Variants in RBM28 observed in about 807,000 individuals in gnomAD.
RBM28 encodes RNA-binding protein 28.
Under a neutral mutation model 98.3 loss-of-function variants are expected in RBM28, and 78 were observed. That is an observed-to-expected ratio of 0.79 (90% confidence interval 0.66 to 0.96). The LOEUF (loss-of-function observed/expected upper bound fraction) is 0.96. Ranked by LOEUF, RBM28 falls within the 40% of genes least tolerant of loss-of-function variation. RBM28 has a pLI of 0.00. For synonymous variants in RBM28, 306 were observed against 330.9 expected, an observed-to-expected ratio of 0.92 and a Z score of 0.82; for missense variants, 838 against 913.0, an observed-to-expected ratio of 0.92 and a Z score of 1.06.
At position 128,339,781 on chromosome 7, in the gene RBM28, T is replaced by G. The variant is rs1049980039; in HGVS notation, c.129A>C (p.Ala43=). 1 of 1,614,006 alleles carries G rather than the reference T, an allele frequency of 6.2e-7. No homozygotes were observed. ...CFVVTEKGSK[A]CRGFGYVTFS... ...AAGTGACATAGCCAAAGCCTCGACATGCCTTACTCCCTGGAATAATGGAGT... is the reference window on the plus strand; with the variant it reads ...AAGTGACATAGCCAAAGCCTCGACAGGCCTTACTCCCTGGAATAATGGAGT... Residue 43 remains alanine (A), a synonymous_variant, in exon 2 of 19, where the codon GCA becomes GCC. Transcript: ENST00000223073.
intron 8 of RBM28, 98 bp downstream of exon 8, chr7:128,335,445 T>A (rs1283346069): frequency 1.4e-6 from 2 of 1,418,918 alleles, no homozygotes; most frequent in Non-Finnish European, 9.8e-7. Flanking sequence ...CACCTTAGAG[T>A]CCTATTTAAA....
intron 11 of RBM28, among the ~76,000 whole-genome samples, 191 bp downstream of exon 11, chr7:128,325,627 C>T (rs1010775779): frequency 6.6e-6 from 1 of 152,152 alleles, no homozygotes; most frequent in Non-Finnish European, 1.5e-5. Context: ...TTCTGCCTAC[C>T]TCAAAGGGCT....
intron 13 of RBM28, among the ~76,000 whole-genome samples, chr7:128,321,872 A>C (rs1255175903): frequency 1.3e-5 from 2 of 151,986 alleles, no homozygotes; most frequent in African/African-American, 4.8e-5. Context: ...ACATGGTGAA[A>C]CCCTGTCTCT....
rs1356368088 is a variant in RBM28, at chr7:128,324,714, T to C, written c.1204-20A>G. 1 of 1,613,940 alleles carries C rather than the reference T, an allele frequency of 6.2e-7. No individual in the cohort carries two copies. Among genetic ancestry groups the C allele is most frequent in the Non-Finnish European group, 8.5e-7 (1 of 1,180,018 alleles). Reference sequence around the variant, plus strand: ...ACCAGCCTGTAACAGATCACAACCCTTTCTTAAAACACATAATGGCCGGGC... The same window carrying C: ...ACCAGCCTGTAACAGATCACAACCCCTTCTTAAAACACATAATGGCCGGGC... On this transcript the variant is annotated intron_variant, in intron 11 of 18. Coordinates refer to ENST00000223073, the MANE Select transcript of RBM28 (RefSeq NM_018077.3).
At position 128,307,685 on chromosome 7, in the gene RBM28, A is replaced by T. The variant is rs2116309765; in HGVS notation, c.*3112T>A. The T allele has an allele frequency of 6.6e-6, 1 of 152,358 alleles. No homozygotes were observed. The highest frequency in any genetic ancestry group is 1.9e-4 in the East Asian group (1 of 5,192). 9.4% of individuals were successfully genotyped at this position (152,358 alleles called of 1,614,324 possible). A position where few individuals can be genotyped will look rare whatever the true frequency, so the allele number is the denominator to read the frequency against. ...CAAATAAGGCAAAGAACAGCTGCACATCATCTTAAGATTCCTTATTTAAAG... is the reference window on the plus strand; with the variant it reads ...CAAATAAGGCAAAGAACAGCTGCACTTCATCTTAAGATTCCTTATTTAAAG... On this transcript the variant is annotated 3_prime_UTR_variant, in exon 19 of 19. Coordinates refer to ENST00000223073, the MANE Select transcript of RBM28 (RefSeq NM_018077.3).
At chr7:128,316,475 C>T (rs1057390056) in intron 16 of RBM28, among the ~76,000 whole-genome samples, 2 of 152,208 alleles carry the variant, frequency 1.3e-5, no homozygotes, top group African/African-American at 4.8e-5. Context: ...CTTTGGGAGG[C>T]TGAGGCAGGT....
rs1796579669 is a variant in RBM28, at chr7:128,335,609, C to T, written c.880G>A (p.Asp294Asn). The T allele has an allele frequency of 1.9e-6, 3 of 1,614,176 alleles. No individual in the cohort carries two copies. The highest frequency in any genetic ancestry group is 1.1e-5 in the South Asian group (1 of 91,086). ...AGTTCCTCTCCATCATCAATACTAT[C>T]GCTTTCCTCTAGGTCACTGTCCTCC... is the stretch of plus-strand genomic sequence containing the variant. ...SEEDSDLEES[D>N]SIDDGEELAQ... is the part of the protein sequence containing the mutation. The change falls in exon 8 of 19, where the codon GAT becomes AAT. Residue 294 changes from aspartate (D) to asparagine (N), a missense_variant. Physicochemically the swap from Asp to Asn is conservative, Grantham distance 23. Coordinates refer to ENST00000223073, the MANE Select transcript of RBM28 (RefSeq NM_018077.3).
In RBM28 at chr7:128,306,060, G is replaced by A. The variant is rs1795861515; in HGVS notation, c.*4737C>T. The A allele has an allele frequency of 6.6e-6, 1 of 152,200 alleles. No individual in the cohort carries two copies. The highest frequency in any genetic ancestry group is 1.5e-5 in the Non-Finnish European group (1 of 68,048). 9.4% of individuals were successfully genotyped at this position (152,200 alleles called of 1,614,324 possible). A position where few individuals can be genotyped will look rare whatever the true frequency, so the allele number is the denominator to read the frequency against. ...GGAGCTAGTTCTTATAGTGGCTCAT[G>A]ATCTACTTGGGAAGGCAAGACCTAA... On this transcript the variant is annotated 3_prime_UTR_variant, in exon 19 of 19. Transcript: ENST00000223073.
intron 9 of RBM28, among the ~76,000 whole-genome samples, chr7:128,331,724 G>T (rs1021232854): frequency 6.6e-6 from 1 of 151,798 alleles, no homozygotes; most frequent in Non-Finnish European, 1.5e-5. Flanking sequence ...AAAAAATGTT[G>T]GAAGGAAATT....
At chr7:128,312,701 T>A (rs1217839634) in intron 18 of RBM28, among the ~76,000 whole-genome samples, 1 of 152,220 alleles carries the variant, frequency 6.6e-6, no homozygotes, top group Non-Finnish European at 1.5e-5. Context: ...TAAAAAAATT[T>A]TTTTCAGGCA....
At chr7:128,321,102 G>A (rs1232258908) in intron 14 of RBM28, among the ~76,000 whole-genome samples, 164 bp downstream of exon 14, 2 of 152,258 alleles carry the variant, frequency 1.3e-5, no homozygotes, top group East Asian at 3.8e-4. Context: ...GGAGGAGGAG[G>A]TTGCAGTGAG....
Position 128,298,993 on chromosome 7 carries a change from AC to A in RBM28, c.*11803del, listed in dbSNP as rs1412040609. 1 of 141,118 alleles carries A rather than the reference AC, an allele frequency of 7.1e-6. No individual in the cohort carries two copies. Among genetic ancestry groups the A allele is most frequent in the African/African-American group, 2.6e-5 (1 of 38,806 alleles). 8.7% of individuals were successfully genotyped at this position (141,118 alleles called of 1,614,324 possible). On this transcript the variant is annotated 3_prime_UTR_variant, in exon 19 of 19. Transcript: ENST00000223073. ...ACACCACTGCACTCCAGCCTGGGAG[AC>A]AGAGTGAGACCCTCTCTCTCAAAAA...
rs1250308421 is a variant in RBM28, at chr7:128,310,851, C to T, written c.2226G>A (p.Leu742=). The part of the protein sequence containing the change: ...QLVEQYKQKL[L]GPSKGAPLAK... Reference sequence around the variant, plus strand: ...CAAGAGGTGCTCCTTTAGAAGGTCCCAATAATTTCTGCTTATATTGTTCGA... The same window carrying T: ...CAAGAGGTGCTCCTTTAGAAGGTCCTAATAATTTCTGCTTATATTGTTCGA... Residue 742 remains leucine (L), a synonymous_variant, in exon 19 of 19, where the codon TTG becomes TTA. Transcript: ENST00000223073. 10 of 1,613,984 alleles carry T rather than the reference C, an allele frequency of 6.2e-6. No individual in the cohort carries two copies. Among genetic ancestry groups the T allele is most frequent in the Middle Eastern group, 1.6e-4 (1 of 6,084 alleles).
At chr7:128,319,307 G>T (rs943246309) in intron 14 of RBM28, among the ~76,000 whole-genome samples, 2 of 152,142 alleles carry the variant, frequency 1.3e-5, no homozygotes, top group African/African-American at 2.4e-5. Context: ...AAATAGGAAA[G>T]AATTAAGAGG....
At chr7:128,311,426 C>A (rs537063805) in intron 18 of RBM28, among the ~76,000 whole-genome samples, 3 of 152,280 alleles carry the variant, frequency 2.0e-5, no homozygotes, top group Non-Finnish European at 4.4e-5. Context: ...GAGAAGCAAG[C>A]TTGACTTCAA....
chr7:128,329,326 C>T (rs184759481), intron 10 of RBM28, among the ~76,000 whole-genome samples: 1 of 152,236 alleles, frequency 6.6e-6, no homozygotes, highest in East Asian at 1.9e-4. Context: ...CTTGAACTCC[C>T]GACCTCAGGT....
intron 1 of RBM28, among the ~76,000 whole-genome samples, chr7:128,340,901 C>CG (rs1267063356): frequency 6.6e-6 from 1 of 152,182 alleles, no homozygotes; most frequent in Admixed American, 6.5e-5. Flanking sequence ...GTTAATGTCA[C>CG]ACAGGGTGTT....
Position 128,338,362 on chromosome 7 carries a change from G to GA in RBM28, c.449-21dup, listed in dbSNP as rs1796648340. The GA allele has an allele frequency of 2.5e-6, 4 of 1,602,246 alleles. No homozygotes were observed. Among genetic ancestry groups the GA allele is most frequent in the Non-Finnish European group, 3.4e-6 (4 of 1,169,216 alleles). On this transcript the variant is annotated intron_variant, in intron 4 of 18. Transcript: ENST00000223073. ...TCCCATCTGTGTGCAAATGCACAAA[G>GA]AAAGAAGTGAGAGGCAGCAGGAGGT...
At chr7:128,311,174 A>G (rs6979569) in intron 18 of RBM28, among the ~76,000 whole-genome samples, 151,860 of 152,252 alleles carry the variant, frequency 1, 75,736 homozygotes, top group Middle Eastern at 1. Flanking sequence ...TCTGCTGGGG[A>G]CTCAGGGGCC....
Sources: allele counts gnomAD v4.1 joint callset (sites outside exome capture counted in the v4.1 genomes callset), GRCh38; gene constraint gnomAD v4.1.1; transcripts MANE v1.5; gene names NCBI Gene and HGNC (gene_info 2026-07-23, HGNC 2026-07-21).